The following EXOSC2 variants were observed in gnomAD, a reference collection of about 807,000 sequenced individuals.
The protein encoded by EXOSC2 is exosome complex component RRP4.
A neutral mutation model predicts 37.6 loss-of-function variants in EXOSC2; 29 were observed. That is an observed-to-expected ratio of 0.77 (90% CI 0.57 to 1.05). The LOEUF (loss-of-function observed/expected upper bound fraction) is 1.05. EXOSC2 is among the 50% of genes least tolerant of loss of function. The pLI is 0.00. For missense variants in EXOSC2, 346 were observed against 365.6 expected (o/e 0.95, Z 0.44); for synonymous variants, 119 against 131.1 (o/e 0.91, Z 0.63).
In EXOSC2 at chr9:130,700,910, A is replaced by T. The variant is rs959889648; in HGVS notation, c.470A>T (p.His157Leu). Reference sequence around the variant, plus strand: ...TTCTCTGACGGAGCTGTCTCTTTGCACACGAGGAGCCTGAAATATGGAAAA... The same window carrying T: ...TTCTCTGACGGAGCTGTCTCTTTGCTCACGAGGAGCCTGAAATATGGAAAA... ...AVFSDGAVSLHTRSLKYGKLG... is the reference protein window; with the variant it reads ...AVFSDGAVSLLTRSLKYGKLG... Residue 157 changes from histidine (H) to leucine (L), a missense_variant, in exon 6 of 9, where the codon CAC (histidine) becomes CTC (leucine). His to Leu is a moderately conservative substitution (Grantham distance 99). Coordinates refer to ENST00000372358, the MANE Select transcript of EXOSC2 (RefSeq NM_014285.7). 1.2e-6 allele frequency: 2 copies of T among 1,613,918 alleles called. No homozygotes were observed. The highest frequency in any genetic ancestry group is 2.7e-5 in the African/African-American group (2 of 74,868).
chr9:130,697,723 C>T lies in EXOSC2; in HGVS notation c.270+96C>T, dbSNP rs1157178632. 9 of 1,135,680 alleles carry T rather than the reference C, an allele frequency of 7.9e-6. No individual in the cohort carries two copies. In the South Asian group the frequency reaches 8.7e-5, roughly 11 times the overall value. The allele number at this position is 1,135,680 out of a possible 1,614,324, so 70.4% of individuals were successfully genotyped here. A position where few individuals can be genotyped will look rare whatever the true frequency, so the allele number is the denominator to read the frequency against. ...TCCACTTGTAGTTACATGAAAAAGG[C>T]ATTCATTGCATTTGGCCGTTGTGTG... is the stretch of plus-strand genomic sequence containing the variant. On this transcript the variant is annotated intron_variant, in intron 3 of 8. Transcript: ENST00000372358.
chr9:130,699,452 G>A (rs1179570973), intron 5 of EXOSC2, 58 bp downstream of exon 5: 2 of 1,496,614 alleles, frequency 1.3e-6, no homozygotes, highest in Non-Finnish European at 1.9e-6. Context: ...TGGGAAATGG[G>A]CCTTCCATTG....
chr9:130,698,017 C>CGG lies in EXOSC2; in HGVS notation c.271-145_271-144insGG. 1 of 691,914 alleles carries CGG rather than the reference C, an allele frequency of 1.4e-6. No individual in the cohort carries two copies. Among genetic ancestry groups the CGG allele is most frequent in the Non-Finnish European group, 2.5e-6 (1 of 392,226 alleles). 42.9% of individuals were successfully genotyped at this position (691,914 alleles called of 1,614,324 possible). A position where few individuals can be genotyped will look rare whatever the true frequency, so the allele number is the denominator to read the frequency against. ...TTATATTGGTCAGGCTGGTCTCAAACTCCTGACCTCAAGTGATCCACCAGC... is the reference window on the plus strand; with the variant it reads ...TTATATTGGTCAGGCTGGTCTCAAACGGTCCTGACCTCAAGTGATCCACCAGC... On this transcript the variant is annotated intron_variant, in intron 3 of 8. Coordinates refer to ENST00000372358, the MANE Select transcript of EXOSC2 (RefSeq NM_014285.7). This position sits in a 1 kb window ranked among gnomAD's most constrained non-coding sequence, Gnocchi z 4.1.
intron 2 of EXOSC2, among the ~76,000 whole-genome samples, chr9:130,695,855 CTTTTTTTTTT>C (rs397721632): frequency 9.0e-6 from 1 of 111,206 alleles, no homozygotes; most frequent in Non-Finnish European, 1.8e-5. Flanking sequence ...AGGATTTTCT[CTTTTTTTTTT>C]TTTTTTTTTT....
chr9:130,695,220 G>A (rs1831067130), intron 1 of EXOSC2, among the ~76,000 whole-genome samples: 1 of 152,186 alleles, frequency 6.6e-6, no homozygotes. Context: ...GTATGTGGGG[G>A]GAATGGTGGC....
intron 2 of EXOSC2, 129 bp downstream of exon 2, chr9:130,695,722 C>T: frequency 4.0e-6 from 3 of 757,690 alleles, no homozygotes; most frequent in Non-Finnish European, 4.5e-6. Flanking sequence ...AGGTTTTGAC[C>T]ATGACTGTAG....
Position 130,698,273 on chromosome 9 carries a change from A to G in EXOSC2, c.360+22A>G. 1.2e-6 allele frequency: 2 copies of G among 1,602,040 alleles called. No homozygotes were observed. The highest frequency in any genetic ancestry group is 1.1e-5 in the South Asian group (1 of 90,800). ...GCTGGTAAGGGCTACAGCTGGGGCC[A>G]TGGACTAGGGCCCAGTGGGCTGGGG... On this transcript the variant is annotated intron_variant, in intron 4 of 8. Transcript: ENST00000372358. The surrounding 1 kb of genome is among the most constrained non-coding windows in gnomAD (Gnocchi z 4.1).
intron 2 of EXOSC2, 156 bp downstream of exon 2, chr9:130,695,749 C>A: frequency 1.5e-6 from 1 of 647,730 alleles, no homozygotes; most frequent in Non-Finnish European, 2.8e-6. Flanking sequence ...TGGTGCAGAT[C>A]AGTGCAGGCT....
Position 130,702,137 on chromosome 9 carries a change from G to C in EXOSC2, c.499G>C (p.Gly167Arg), listed in dbSNP as rs372156461. 242 of 1,613,838 alleles carry C rather than the reference G, an allele frequency of 1.5e-4. No individual in the cohort carries two copies. Among genetic ancestry groups the C allele is most frequent in the Non-Finnish European group, 1.9e-4 (228 of 1,179,970 alleles). Residue 167 changes from glycine (G) to arginine (R), a missense_variant, in exon 7 of 9, where the codon GGT becomes CGT. Physicochemically the swap from Gly to Arg is moderately radical, Grantham distance 125. Transcript: ENST00000372358. ...HTRSLKYGKL[G>R]QGVLVQVSPS... is the part of the protein sequence containing the mutation. ...GCTTCGTGATATATTTCTTTAGCTA[G>C]GTCAGGGGGTTTTGGTCCAGGTTTC...
In EXOSC2 at chr9:130,694,565, GAA is replaced by G. The variant is rs1205231841; in HGVS notation, c.122+655_122+656del. 6.6e-6 allele frequency among the ~76,000 whole-genome samples: 1 copy of G among 152,116 alleles called. No homozygotes were observed. The highest frequency in any genetic ancestry group is 1.5e-5 in the Non-Finnish European group (1 of 68,026). ...AGGATTAAATGAGACAATTATGTAA[GAA>G]AAGAAGTAAAACCAGCCATTATATC... On this transcript the variant is annotated intron_variant, in intron 1 of 8. Transcript: ENST00000372358. This position sits in a 1 kb window ranked among gnomAD's most constrained non-coding sequence, Gnocchi z 4.0.
Position 130,702,115 on chromosome 9 carries a change from T to C in EXOSC2, c.496-19T>C, listed in dbSNP as rs771083215. ...CCGCCAATCTTGCAGTGACCTAGCT[T>C]CGTGATATATTTCTTTAGCTAGGTC... On this transcript the variant is annotated intron_variant, in intron 6 of 8. Coordinates refer to ENST00000372358, the MANE Select transcript of EXOSC2 (RefSeq NM_014285.7). 1.5e-5 allele frequency: 24 copies of C among 1,612,018 alleles called. No individual in the cohort carries two copies. The highest frequency in any genetic ancestry group is 2.0e-5 in the Non-Finnish European group (24 of 1,179,010).
At chr9:130,701,958 C>CT in intron 6 of EXOSC2, 176 bp from the exon 7 acceptor site, 1 of 1,418,774 alleles carries the variant, frequency 7.0e-7, no homozygotes, top group Non-Finnish European at 9.2e-7. Context: ...TGAATAGCCT[C>CT]TGAGTCCCAA....
intron 6 of EXOSC2, chr9:130,701,924 A>G: frequency 1.4e-6 from 2 of 1,388,654 alleles, no homozygotes; most frequent in Non-Finnish European, 1.9e-6. Flanking sequence ...AAGAGTATTG[A>G]AGGTCACCTT....
Position 130,697,604 on chromosome 9 carries a change from A to C in EXOSC2, c.247A>C (p.Ile83Leu). 6.2e-7 allele frequency: 1 copy of C among 1,614,170 alleles called. No homozygotes were observed. Among genetic ancestry groups the C allele is most frequent in the South Asian group, 1.1e-5 (1 of 91,088 alleles). Residue 83 changes from isoleucine to leucine, a missense_variant, in exon 3 of 9, where the codon ATC (isoleucine) becomes CTC (leucine). Transcript: ENST00000372358. The part of the protein sequence containing the change: ...KTRYIGEVGD[I>L]VVGRITEVQQ... The stretch of plus-strand genomic sequence containing the variant: ...CAGATACATTGGTGAAGTAGGAGAC[A>C]TCGTAGTGGGACGAATCACAGAGGT...
intron 3 of EXOSC2, 61 bp downstream of exon 3, chr9:130,697,688 G>A: frequency 6.8e-7 from 1 of 1,477,006 alleles, no homozygotes; most frequent in Non-Finnish European, 9.5e-7. Context: ...TTCATTCATG[G>A]GACAGTCATT....
chr9:130,703,256 C>T, intron 8 of EXOSC2, 75 bp downstream of exon 8: 1 of 1,508,582 alleles, frequency 6.6e-7, no homozygotes, highest in South Asian at 1.2e-5. Context: ...ACAATATGCA[C>T]ATCTCCCCAA....
chr9:130,703,952 G>A lies in EXOSC2; in HGVS notation c.*178G>A. On this transcript the variant is annotated 3_prime_UTR_variant, in exon 9 of 9. Transcript: ENST00000372358. ...TCCTGTCCTAACACCAAGCCTGGGT[G>A]GCAGATGAACAGTGCTTCCTTGGGT... is the stretch of plus-strand genomic sequence containing the variant. 3 of 487,668 alleles carry A rather than the reference G, an allele frequency of 6.2e-6. No homozygotes were observed. The highest frequency in any genetic ancestry group is 1.1e-5 in the Non-Finnish European group (3 of 275,650). 30.2% of individuals were successfully genotyped at this position (487,668 alleles called of 1,614,324 possible).
chr9:130,702,911 C>T, intron 7 of EXOSC2, 142 bp from the exon 8 acceptor site: 1 of 1,031,826 alleles, frequency 9.7e-7, no homozygotes, highest in Non-Finnish European at 1.4e-6. Flanking sequence ...TTTAATCTCC[C>T]TTGGAATTAG....
Position 130,694,247 on chromosome 9 carries a change from T to A in EXOSC2, c.122+334T>A, listed in dbSNP as rs1831043604. ...GGGTTAGGTGCAGGCTCTTTTCCAGTTTTCAGCTCTCTGAGGGGACGGTGG... is the reference window on the plus strand; with the variant it reads ...GGGTTAGGTGCAGGCTCTTTTCCAGATTTCAGCTCTCTGAGGGGACGGTGG... On this transcript the variant is annotated intron_variant, in intron 1 of 8. Coordinates refer to ENST00000372358, the MANE Select transcript of EXOSC2 (RefSeq NM_014285.7). This position sits in a 1 kb window ranked among gnomAD's most constrained non-coding sequence, Gnocchi z 4.0. 6.6e-6 allele frequency among the ~76,000 whole-genome samples: 1 copy of A among 152,072 alleles called. No individual in the cohort carries two copies. The highest frequency in any genetic ancestry group is 2.4e-5 in the African/African-American group (1 of 41,414).
Sources: gnomAD v4.1 joint callset for allele counts (sites outside exome capture counted in the v4.1 genomes callset) on GRCh38, gnomAD v4.1.1 for gene constraint, Gnocchi (gnomAD v3.1) non-coding constraint, MANE v1.5 for transcripts, NCBI Gene and HGNC (gene_info 2026-07-23, HGNC 2026-07-21) for gene names.